KCNQ1: variants seen among roughly 807,000 people sequenced by gnomAD.
The protein encoded by KCNQ1 is potassium voltage-gated channel subfamily Q member 1.
In KCNQ1, 49 loss-of-function variants were observed where a neutral mutation model predicts 72.4. The observed-to-expected ratio is 0.68, with a 90% CI of 0.54 to 0.86. The LOEUF is 0.86. Among genes scored for constraint, KCNQ1 ranks in the 40% least tolerant of loss-of-function variants. KCNQ1 has a pLI of 0.00. For synonymous variants in KCNQ1, 450 were observed against 412.6 expected (o/e 1.09, Z -1.10); for missense variants, 790 against 945.1 (o/e 0.84, Z 2.15).
At chr11:2,751,822 C>G (rs1011728724) in intron 11 of KCNQ1, among the ~76,000 whole-genome samples, 7 of 152,286 alleles carry the variant, frequency 4.6e-5, no homozygotes, top group Non-Finnish European at 7.3e-5. Context: ...GCCTCTCCCA[C>G]TGGCTCAGGG....
intron 10 of KCNQ1, chr11:2,625,685 C>G: frequency 2.5e-6 from 1 of 397,392 alleles, no homozygotes; most frequent in Non-Finnish European, 4.4e-6. Flanking sequence ...ACATCATTCT[C>G]CTGCCTCCCG....
Position 2,617,217 on chromosome 11 carries a change from C to G in KCNQ1, c.1393+28363C>G, listed in dbSNP as rs1044633244. 13 of 398,258 alleles carry G rather than the reference C, an allele frequency of 3.3e-5. No homozygotes were observed. The highest frequency in any genetic ancestry group is 4.9e-5 in the Non-Finnish European group (11 of 225,934). 24.7% of individuals were successfully genotyped at this position (398,258 alleles called of 1,614,324 possible). On this transcript the variant is annotated intron_variant, in intron 10 of 15. Coordinates refer to ENST00000155840, the MANE Select transcript of KCNQ1 (RefSeq NM_000218.3). The surrounding 1 kb of genome is among the most constrained non-coding windows in gnomAD (Gnocchi z 4.6). ...CTACTTGGTATCCTTTGACCTACAT[C>G]TTTCCATTTTCTTCCCCCACACCTT...
chr11:2,662,602 G>A (rs942225824), intron 11 of KCNQ1: 24 of 417,306 alleles, frequency 5.8e-5, no homozygotes, highest in African/African-American at 1.2e-4. Flanking sequence ...CTCCCCCGCC[G>A]TCACGGCATG....
chr11:2,673,896 G>T lies in KCNQ1; in HGVS notation c.1514+11815G>T. ...TGAAAGCAGGCACAGGAAGGGATGG[G>T]AGCTCAGCTCACCGGGTGCTAGACA... On this transcript the variant is annotated intron_variant, in intron 11 of 15. Coordinates refer to ENST00000155840, the MANE Select transcript of KCNQ1 (RefSeq NM_000218.3). The surrounding 1 kb of genome is among the most constrained non-coding windows in gnomAD (Gnocchi z 4.5). 1 of 397,808 alleles carries T rather than the reference G, an allele frequency of 2.5e-6. No individual in the cohort carries two copies. The highest frequency in any genetic ancestry group is 4.4e-6 in the Non-Finnish European group (1 of 225,914). The allele number at this position is 397,808 out of a possible 1,614,324, so 24.6% of individuals were successfully genotyped here.
In KCNQ1 at chr11:2,669,094, C is replaced by G; in HGVS notation, c.1514+7013C>G. The G allele has an allele frequency of 2.5e-6, 1 of 398,726 alleles. No individual in the cohort carries two copies. Among genetic ancestry groups the G allele is most frequent in the Non-Finnish European group, 4.4e-6 (1 of 226,120 alleles). 24.7% of individuals were successfully genotyped at this position (398,726 alleles called of 1,614,324 possible). A position where few individuals can be genotyped will look rare whatever the true frequency, so the allele number is the denominator to read the frequency against. On this transcript the variant is annotated intron_variant, in intron 11 of 15. Coordinates refer to ENST00000155840, the MANE Select transcript of KCNQ1 (RefSeq NM_000218.3). The surrounding 1 kb of genome is among the most constrained non-coding windows in gnomAD (Gnocchi z 5.6). ...CCTGCCGTATCAGTGTCTTTACAAT[C>G]AGCTCACTGGCTACGTGTGGCTCTG... is the stretch of plus-strand genomic sequence containing the variant.
chr11:2,553,163 TTTTTTTTTTTTTTG>T (rs1564814883), intron 2 of KCNQ1, among the ~76,000 whole-genome samples: 1 of 120,786 alleles, frequency 8.3e-6, no homozygotes, highest in Non-Finnish European at 1.7e-5. Context: ...GTTTTTTTTG[TTTTTTTTTTTTTTG>T]TTTTTTTGTA....
intron 11 of KCNQ1, among the ~76,000 whole-genome samples, chr11:2,730,282 T>A (rs1282128344): frequency 1.3e-5 from 2 of 152,212 alleles, no homozygotes; most frequent in Non-Finnish European, 2.9e-5. Flanking sequence ...TTTAGCTTCT[T>A]ACGGCTGCTG....
intron 10 of KCNQ1, chr11:2,644,133 A>G: frequency 2.5e-6 from 1 of 398,546 alleles, no homozygotes; most frequent in Non-Finnish European, 4.4e-6. Context: ...TTGGATCTAA[A>G]TCTCTTGGGA....
At chr11:2,542,221 G>A (rs183292651) in intron 2 of KCNQ1, among the ~76,000 whole-genome samples, 4 of 152,364 alleles carry the variant, frequency 2.6e-5, no homozygotes, top group African/African-American at 9.6e-5. Context: ...CCGAGGGTGT[G>A]GGGACATTGG....
chr11:2,505,002 A>G (rs1351847277), intron 1 of KCNQ1, among the ~76,000 whole-genome samples: 2 of 151,940 alleles, frequency 1.3e-5, no homozygotes, highest in Non-Finnish European at 2.9e-5. Flanking sequence ...AAGTTTTGGT[A>G]CATTGTCTTC....
chr11:2,586,986 GTC>G (rs1294587307), intron 8 of KCNQ1, among the ~76,000 whole-genome samples: 2 of 152,018 alleles, frequency 1.3e-5, no homozygotes, highest in East Asian at 1.9e-4. Flanking sequence ...CTGCCATGGG[GTC>G]TCTCTGAAAT....
At chr11:2,569,637 C>T (rs1285108578) in intron 2 of KCNQ1, among the ~76,000 whole-genome samples, 1 of 152,244 alleles carries the variant, frequency 6.6e-6, no homozygotes, top group African/African-American at 2.4e-5. Context: ...TTTCATCTTC[C>T]AGCCCCACAC....
intron 1 of KCNQ1, among the ~76,000 whole-genome samples, chr11:2,501,047 T>G (rs1014153651): frequency 6.6e-6 from 1 of 152,078 alleles, no homozygotes; most frequent in African/African-American, 2.4e-5. Context: ...AAAGCAGTAT[T>G]AAGAGGGAAG....
chr11:2,704,933 C>T lies in KCNQ1; in HGVS notation c.1514+42852C>T, dbSNP rs748836732. Among the ~76,000 whole-genome samples, 4 of 152,166 alleles carry T rather than the reference C, an allele frequency of 2.6e-5. No homozygotes were observed. The highest frequency in any genetic ancestry group is 4.4e-5 in the Non-Finnish European group (3 of 68,032). On this transcript the variant is annotated intron_variant, in intron 11 of 15. Coordinates refer to ENST00000155840, the MANE Select transcript of KCNQ1 (RefSeq NM_000218.3). This position sits in a 1 kb window ranked among gnomAD's most constrained non-coding sequence, Gnocchi z 4.3. ...GGTCAGACCCTATCCCTCCACCCAG[C>T]TGCAGTGACAACTCTGTGGCTCTGG...
At chr11:2,749,185 GCCAGCA>G (rs1349460133) in intron 11 of KCNQ1, among the ~76,000 whole-genome samples, 1 of 152,186 alleles carries the variant, frequency 6.6e-6, no homozygotes, top group Admixed American at 6.5e-5. Flanking sequence ...GGGCTGTTCC[GCCAGCA>G]CCCCAGTAGG....
chr11:2,627,136 C>T lies in KCNQ1; in HGVS notation c.1394-34825C>T. On this transcript the variant is annotated intron_variant, in intron 10 of 15. Coordinates refer to ENST00000155840, the MANE Select transcript of KCNQ1 (RefSeq NM_000218.3). This position sits in a 1 kb window ranked among gnomAD's most constrained non-coding sequence, Gnocchi z 4.9. ...TTTTCATTGTACAAGACTTTCACCT[C>T]CTTGGTAAAGTTGGTTCCTAAGTTT... 2.5e-6 allele frequency: 1 copy of T among 398,448 alleles called. No individual in the cohort carries two copies. The highest frequency in any genetic ancestry group is 4.4e-6 in the Non-Finnish European group (1 of 226,020). The allele number at this position is 398,448 out of a possible 1,614,324, so 24.7% of individuals were successfully genotyped here.
chr11:2,533,930 AC>A (rs566552413), intron 2 of KCNQ1, among the ~76,000 whole-genome samples: 1 of 151,288 alleles, frequency 6.6e-6, no homozygotes, highest in Non-Finnish European at 1.5e-5. Flanking sequence ...TGGTTAAAAA[AC>A]CCCGTGAGCT....
intron 15 of KCNQ1, among the ~76,000 whole-genome samples, chr11:2,834,721 T>TG (rs1337531243): frequency 6.6e-6 from 1 of 152,162 alleles, no homozygotes; most frequent in Non-Finnish European, 1.5e-5. Flanking sequence ...GTCTGAGAGT[T>TG]GGGGAGACAC....
rs190312247 is a variant in KCNQ1 at position 2,624,301 on chromosome 11, T to C, written c.1393+35447T>C. ...TAATTGTTATGTTTTTAAGGTTCTTTATATATTTTGGATGAGTCCTTTATC... is the reference window on the plus strand; with the variant it reads ...TAATTGTTATGTTTTTAAGGTTCTTCATATATTTTGGATGAGTCCTTTATC... On this transcript the variant is annotated intron_variant, in intron 10 of 15. Coordinates refer to ENST00000155840, the MANE Select transcript of KCNQ1 (RefSeq NM_000218.3). The surrounding 1 kb of genome is among the most constrained non-coding windows in gnomAD (Gnocchi z 4.9). The C allele has an allele frequency of 1.2e-3, 477 of 398,570 alleles. 3 individuals carry two copies. Among genetic ancestry groups the C allele is most frequent in the African/African-American group, 9.1e-3 (444 of 48,754 alleles). 24.7% of individuals were successfully genotyped at this position (398,570 alleles called of 1,614,324 possible).
Sources: allele counts gnomAD v4.1 joint callset (sites outside exome capture counted in the v4.1 genomes callset), GRCh38; gene constraint gnomAD v4.1.1; non-coding constraint Gnocchi (gnomAD v3.1); transcripts MANE v1.5; gene names NCBI Gene and HGNC (gene_info 2026-07-23, HGNC 2026-07-21).